CACNA1D: variants seen among roughly 807,000 people sequenced by gnomAD.
CACNA1D encodes calcium voltage-gated channel subunit alpha1 D, also known as voltage-dependent L-type calcium channel subunit alpha-1D.
Under a neutral mutation model 257.1 loss-of-function variants are expected in CACNA1D, and 55 were observed. The observed-to-expected ratio is 0.21, with a 90% confidence interval of 0.17 to 0.27. The LOEUF is 0.27. Among genes scored for constraint, CACNA1D ranks in the 10% least tolerant of loss-of-function variants. CACNA1D has a pLI of 1.00. For missense variants in CACNA1D, 1,876 were observed against 2,784.0 expected (o/e 0.67, Z 7.34); for synonymous variants, 980 against 1,014.9 (o/e 0.97, Z 0.65).
intron 3 of CACNA1D, among the ~76,000 whole-genome samples, chr3:53,649,861 G>A (rs1366325177): frequency 6.6e-6 from 1 of 152,206 alleles, no homozygotes; most frequent in Admixed American, 6.5e-5. Context: ...GTTGGTCCAT[G>A]TTTCTATTGA....
intron 8 of CACNA1D, among the ~76,000 whole-genome samples, chr3:53,680,113 A>C (rs988359417): frequency 6.6e-6 from 1 of 152,220 alleles, no homozygotes; most frequent in African/African-American, 2.4e-5. Flanking sequence ...CACACCTGAC[A>C]TTAACAAGTG....
chr3:53,659,199 A>G (rs372915002), intron 4 of CACNA1D, among the ~76,000 whole-genome samples: 1 of 152,238 alleles, frequency 6.6e-6, no homozygotes. Flanking sequence ...CTGTTAAATG[A>G]GCAGATTGCC....
At chr3:53,620,553 A>G (rs2093685456) in intron 3 of CACNA1D, among the ~76,000 whole-genome samples, 1 of 151,750 alleles carries the variant, frequency 6.6e-6, no homozygotes, top group African/African-American at 2.4e-5. Context: ...GGCTTCCCAA[A>G]GTGCTGGGAT....
chr3:53,582,104 A>C (rs1376363560), intron 3 of CACNA1D, among the ~76,000 whole-genome samples: 2 of 151,888 alleles, frequency 1.3e-5, no homozygotes, highest in African/African-American at 4.8e-5. Context: ...TTTTTGTTGG[A>C]ATATACCAAC....
chr3:53,636,453 G>A (rs573884252), intron 3 of CACNA1D, among the ~76,000 whole-genome samples: 261 of 152,110 alleles, frequency 1.7e-3, no homozygotes, highest in African/African-American at 5.9e-3. Flanking sequence ...ACAGGTGTGC[G>A]CCACCACGCC....
chr3:53,802,504 G>T (rs748312639), intron 43 of CACNA1D, among the ~76,000 whole-genome samples: 3 of 152,250 alleles, frequency 2.0e-5, no homozygotes, highest in Non-Finnish European at 4.4e-5. Context: ...GGCAGCTCCG[G>T]CTGCTCTCTG....
chr3:53,756,513 G>A (rs941715260), intron 29 of CACNA1D, among the ~76,000 whole-genome samples: 4 of 152,234 alleles, frequency 2.6e-5, no homozygotes. Flanking sequence ...GGAAAAGCAA[G>A]CAGGTGATTT....
chr3:53,725,225 G>A (rs1433789666), intron 14 of CACNA1D, among the ~76,000 whole-genome samples: 1 of 152,114 alleles, frequency 6.6e-6, no homozygotes, highest in East Asian at 1.9e-4. Context: ...GTGCTGTTTT[G>A]CATCTTGCTT....
chr3:53,696,477 G>T (rs891616342), intron 8 of CACNA1D, among the ~76,000 whole-genome samples: 1 of 152,216 alleles, frequency 6.6e-6, no homozygotes, highest in Non-Finnish European at 1.5e-5. Flanking sequence ...CGGGGATGGG[G>T]TAAGGTGTTG....
At chr3:53,626,097 G>A (rs531141436) in intron 3 of CACNA1D, among the ~76,000 whole-genome samples, 3 of 152,314 alleles carry the variant, frequency 2.0e-5, no homozygotes, top group African/African-American at 7.2e-5. Flanking sequence ...TTCTGGAGAA[G>A]AGTTTGCACC....
intron 3 of CACNA1D, among the ~76,000 whole-genome samples, chr3:53,586,009 T>C (rs2093209102): frequency 6.6e-6 from 1 of 152,092 alleles, no homozygotes; most frequent in African/African-American, 2.4e-5. Context: ...TGCTCTCTTA[T>C]TTGATTTAAG....
At position 53,800,524 on chromosome 3, in the gene CACNA1D, C is replaced by G. The variant is rs1320981762; in HGVS notation, c.5040+159C>G. 2 of 723,726 alleles carry G rather than the reference C, an allele frequency of 2.8e-6. No individual in the cohort carries two copies. The highest frequency in any genetic ancestry group is 5.1e-6 in the Non-Finnish European group (2 of 394,510). The allele number at this position is 723,726 out of a possible 1,614,324, so 44.8% of individuals were successfully genotyped here. On this transcript the variant is annotated intron_variant, in intron 41 of 47. Transcript: ENST00000350061. This position sits in a 1 kb window ranked among gnomAD's most constrained non-coding sequence, Gnocchi z 4.3. ...CCACACCCTCCCCCTCTTACAGACC[C>G]TCCCCAGGCATCAGCACCTCTTCTA...
chr3:53,665,965 T>C (rs565699017), intron 6 of CACNA1D, among the ~76,000 whole-genome samples, 153 bp downstream of exon 6: 125 of 152,164 alleles, frequency 8.2e-4, no homozygotes, highest in Non-Finnish European at 1.6e-3. Flanking sequence ...GTGTGAGCTA[T>C]GTTCAGAATA....
rs367687055 is a variant in CACNA1D, at chr3:53,660,196, C to T, written c.687C>T (p.Gly229=). The change falls in exon 5 of 48, where the codon GGC becomes GGT. Residue 229 remains glycine (G), a synonymous_variant. Coordinates refer to ENST00000350061, the MANE Select transcript of CACNA1D (RefSeq NM_001128840.3). The part of the protein sequence containing the change: ...KETEGGNHSS[G]KSGGFDVKAL... ...CAGAAGGCGGGAACCACTCAAGCGGCAAATCTGGAGGCTTTGATGTCAAAG... is the reference window on the plus strand; with the variant it reads ...CAGAAGGCGGGAACCACTCAAGCGGTAAATCTGGAGGCTTTGATGTCAAAG... 1.7e-5 allele frequency: 27 copies of T among 1,613,932 alleles called. No homozygotes were observed. The highest frequency in any genetic ancestry group is 2.2e-5 in the Non-Finnish European group (26 of 1,179,902).
chr3:53,779,464 CACAG>C (rs1234527814), intron 37 of CACNA1D, among the ~76,000 whole-genome samples: 4 of 151,960 alleles, frequency 2.6e-5, no homozygotes, highest in Non-Finnish European at 5.9e-5. Flanking sequence ...TATACACACA[CACAG>C]AGGTTTATCA....
chr3:53,574,072 G>A (rs796692737), intron 3 of CACNA1D, among the ~76,000 whole-genome samples: 1 of 152,124 alleles, frequency 6.6e-6, no homozygotes, highest in African/African-American at 2.4e-5. Flanking sequence ...GGAGGAGGAA[G>A]GGCAAGAAGA....
At chr3:53,714,746 G>A (rs937557273) in intron 9 of CACNA1D, among the ~76,000 whole-genome samples, 6 of 152,172 alleles carry the variant, frequency 3.9e-5, no homozygotes, top group Admixed American at 1.3e-4. Flanking sequence ...ATTTCTCAGT[G>A]TCAGCTGTGT....
At position 53,731,893 on chromosome 3, in the gene CACNA1D, C is replaced by T. The variant is rs555224836; in HGVS notation, c.2407-123C>T. 31 of 747,686 alleles carry T rather than the reference C, an allele frequency of 4.1e-5. No individual in the cohort carries two copies. The African/African-American group carries it at 5.0e-4, about 12-fold the overall frequency. The allele number at this position is 747,686 out of a possible 1,614,324, so 46.3% of individuals were successfully genotyped here. ...GGACATCTGCCTGTCCCTGCACACT[C>T]AAATACAGATGCAGCTTTGGGGAGG... On this transcript the variant is annotated intron_variant, in intron 17 of 47. Coordinates refer to ENST00000350061, the MANE Select transcript of CACNA1D (RefSeq NM_001128840.3).
chr3:53,709,903 G>C (rs903065081), intron 9 of CACNA1D, among the ~76,000 whole-genome samples: 1 of 152,172 alleles, frequency 6.6e-6, no homozygotes, highest in African/African-American at 2.4e-5. Context: ...GGAAACTAAG[G>C]CTTCACAGTA....
Sources: gnomAD v4.1 joint callset for allele counts (sites outside exome capture counted in the v4.1 genomes callset) on GRCh38, gnomAD v4.1.1 for gene constraint, Gnocchi (gnomAD v3.1) non-coding constraint, MANE v1.5 for transcripts, NCBI Gene and HGNC (gene_info 2026-07-23, HGNC 2026-07-21) for gene names.